Variants in KCNH8 observed in about 807,000 individuals in gnomAD.
KCNH8 encodes voltage-gated delayed rectifier potassium channel KCNH8.
A neutral mutation model predicts 103.6 loss-of-function variants in KCNH8; 70 were observed. The ratio of observed to expected loss-of-function variants is 0.68; its 90% CI spans 0.56 to 0.82. The LOEUF (loss-of-function observed/expected upper bound fraction) is 0.82. Among genes scored for constraint, KCNH8 ranks in the 40% least tolerant of loss-of-function variants. KCNH8 has a pLI of 0.00. For missense variants in KCNH8, 1,217 were observed against 1,329.9 expected (o/e 0.92, Z 1.32); for synonymous variants, 498 against 489.4 (o/e 1.02, Z -0.23).
chr3:19,283,642 T>C (rs917398393), intron 3 of KCNH8, among the ~76,000 whole-genome samples: 1 of 151,900 alleles, frequency 6.6e-6, no homozygotes, highest in African/African-American at 2.4e-5. Flanking sequence ...TCACTATGGT[T>C]ATAAAATGAT....
intron 3 of KCNH8, among the ~76,000 whole-genome samples, chr3:19,281,616 C>T (rs954351783): frequency 1.4e-4 from 21 of 152,210 alleles, no homozygotes; most frequent in African/African-American, 3.9e-4. Context: ...ATTAACACCA[C>T]TTCATTGTAT....
intron 5 of KCNH8, among the ~76,000 whole-genome samples, chr3:19,373,540 T>C (rs559569271): frequency 1.3e-5 from 2 of 152,334 alleles, no homozygotes; most frequent in African/African-American, 4.8e-5. Flanking sequence ...ATCAGTTTTG[T>C]TGATCCTTTC....
chr3:19,319,514 A>G (rs968556294), intron 3 of KCNH8, among the ~76,000 whole-genome samples: 2 of 151,942 alleles, frequency 1.3e-5, no homozygotes, highest in African/African-American at 4.8e-5. Context: ...ATTCTTTTCC[A>G]TTGGTCTATA....
intron 1 of KCNH8, among the ~76,000 whole-genome samples, chr3:19,181,390 A>G (rs1234542737): frequency 3.3e-5 from 5 of 152,170 alleles, no homozygotes; most frequent in Non-Finnish European, 7.4e-5. Context: ...AAGATAGATC[A>G]GAAATGTTCA....
At chr3:19,495,785 T>C (rs2068426663) in intron 11 of KCNH8, among the ~76,000 whole-genome samples, 2 of 152,148 alleles carry the variant, frequency 1.3e-5, no homozygotes, top group Admixed American at 1.3e-4. Flanking sequence ...TAAATTACTC[T>C]ATGCAGTGTG....
chr3:19,417,195 AATAT>A (rs911870907), intron 7 of KCNH8, among the ~76,000 whole-genome samples: 1 of 147,882 alleles, frequency 6.8e-6, no homozygotes, highest in East Asian at 2.0e-4. Context: ...ATTTTGGAAG[AATAT>A]ATATATATTC....
chr3:19,271,212 C>A (rs944552261), intron 2 of KCNH8, among the ~76,000 whole-genome samples: 1 of 152,030 alleles, frequency 6.6e-6, no homozygotes, highest in East Asian at 1.9e-4. Flanking sequence ...GAGGTCTAGT[C>A]CCAACTCTTA....
Position 19,245,648 on chromosome 3 carries a change from A to AT in KCNH8, c.77-7998dup, listed in dbSNP as rs535533334. Among the ~76,000 whole-genome samples the AT allele has an allele frequency of 1.1e-4, 17 of 151,816 alleles. No homozygotes were observed. The East Asian group carries it at 1.4e-3, about 12-fold the overall frequency. On this transcript the variant is annotated intron_variant, in intron 1 of 15. Transcript: ENST00000328405. Reference sequence around the variant, plus strand: ...CTTTCAGCCAAATTTTATGGTAGAGATTTTTTTTAACTCTTTAGTTAGTTG... The same window carrying AT: ...CTTTCAGCCAAATTTTATGGTAGAGATTTTTTTTTAACTCTTTAGTTAGTTG...
chr3:19,183,972 C>T (rs1461158527), intron 1 of KCNH8, among the ~76,000 whole-genome samples: 2 of 152,068 alleles, frequency 1.3e-5, no homozygotes, highest in Non-Finnish European at 2.9e-5. Flanking sequence ...GGATTTTAAA[C>T]ATGCTTATGT....
intron 5 of KCNH8, among the ~76,000 whole-genome samples, chr3:19,370,349 G>C (rs900660478): frequency 6.6e-6 from 1 of 152,094 alleles, no homozygotes; most frequent in Non-Finnish European, 1.5e-5. Flanking sequence ...ATAAATACTG[G>C]TTGAGTAAAT....
At chr3:19,401,402 C>T (rs958765624) in intron 7 of KCNH8, among the ~76,000 whole-genome samples, 2 of 152,000 alleles carry the variant, frequency 1.3e-5, no homozygotes, top group African/African-American at 4.8e-5. Flanking sequence ...TAGTTTATTT[C>T]TGATGGACAA....
At chr3:19,278,424 A>T (rs930804179) in intron 2 of KCNH8, among the ~76,000 whole-genome samples, 3 of 135,394 alleles carry the variant, frequency 2.2e-5, no homozygotes, top group Non-Finnish European at 4.7e-5. Context: ...GGAGGGAAGG[A>T]GGGAGAGATG....
At chr3:19,314,826 C>A (rs147870204) in intron 3 of KCNH8, 1 of 154,298 alleles carries the variant, frequency 6.5e-6, no homozygotes, top group East Asian at 1.9e-4. Context: ...TAGCATTGGA[C>A]TGAATAGCTG....
chr3:19,457,090 A>T, intron 11 of KCNH8, 108 bp downstream of exon 11: 1 of 652,934 alleles, frequency 1.5e-6, no homozygotes, highest in Non-Finnish European at 2.6e-6. Context: ...GTCTCTGAAT[A>T]TCTAAGACGT....
chr3:19,284,897 AAAAGAAAAGGAAAG>A lies in KCNH8; in HGVS notation c.442+3578_442+3591del, dbSNP rs1412863405. On this transcript the variant is annotated intron_variant, in intron 3 of 15. Coordinates refer to ENST00000328405, the MANE Select transcript of KCNH8 (RefSeq NM_144633.3). The stretch of plus-strand genomic sequence containing the variant: ...AAAAAAAAAAGAAAAGGAAAGAAAG[AAAAGAAAAGGAAAG>A]AAAGAAAAGAAAAGAAAAAGAAAGG... Among the ~76,000 whole-genome samples the A allele has an allele frequency of 2.6e-4, 39 of 149,096 alleles. 1 individual carries two copies. The highest frequency in any genetic ancestry group is 3.3e-4 in the Admixed American group (5 of 15,004).
At chr3:19,492,744 T>C (rs1359579601) in intron 11 of KCNH8, among the ~76,000 whole-genome samples, 2 of 152,072 alleles carry the variant, frequency 1.3e-5, no homozygotes, top group East Asian at 1.9e-4. Context: ...TCAATAGGAG[T>C]AGCACTGAAT....
In KCNH8 at chr3:19,382,209, A is replaced by G. The variant is rs944709553; in HGVS notation, c.812-8272A>G. Reference sequence around the variant, plus strand: ...CTAAAAATTAACTAAGTTTCAAAAAACAATTCATAGATATTACTAAAAGAA... The same window carrying G: ...CTAAAAATTAACTAAGTTTCAAAAAGCAATTCATAGATATTACTAAAAGAA... On this transcript the variant is annotated intron_variant, in intron 5 of 15. Transcript: ENST00000328405. 4.6e-5 allele frequency among the ~76,000 whole-genome samples: 7 copies of G among 152,314 alleles called. No homozygotes were observed. The East Asian group carries it at 1.3e-3, about 29-fold the overall frequency.
At chr3:19,509,552 C>T (rs935997756) in intron 11 of KCNH8, among the ~76,000 whole-genome samples, 1 of 152,074 alleles carries the variant, frequency 6.6e-6, no homozygotes, top group African/African-American at 2.4e-5. Flanking sequence ...TAAGATATTC[C>T]TCTATAGTGC....
chr3:19,494,191 A>G (rs540547905), intron 11 of KCNH8, among the ~76,000 whole-genome samples: 1 of 152,314 alleles, frequency 6.6e-6, no homozygotes, highest in East Asian at 1.9e-4. Flanking sequence ...TTGTGGCTGC[A>G]TAGTATTCCA....
Sources: allele counts gnomAD v4.1 joint callset (sites outside exome capture counted in the v4.1 genomes callset), GRCh38; gene constraint gnomAD v4.1.1; transcripts MANE v1.5; gene names NCBI Gene and HGNC (gene_info 2026-07-23, HGNC 2026-07-21).